Variants in XKR9 observed in about 807,000 individuals in gnomAD.
The protein encoded by XKR9 is XK-related protein 9.
Under a neutral mutation model 32.0 loss-of-function variants are expected in XKR9, and 32 were observed. The ratio of observed to expected loss-of-function variants is 1.00; its 90% CI spans 0.76 to 1.34. XKR9 has a LOEUF of 1.34. Among genes scored for constraint, XKR9 ranks in the 40% most tolerant of loss-of-function variants. The pLI is 0.00. For synonymous variants in XKR9, 168 were observed against 143.4 expected (o/e 1.17, Z -1.22); for missense variants, 546 against 429.7 (o/e 1.27, Z -2.39).
chr8:70,971,896 T>C, the XKR9 span, among the ~76,000 whole-genome samples: 1 of 152,194 alleles, frequency 6.6e-6, no homozygotes, highest in Non-Finnish European at 1.5e-5. Flanking sequence ...GGTACTGTGA[T>C]GCCTCCAGAT....
At chr8:70,994,028 C>G in the XKR9 span, among the ~76,000 whole-genome samples, 1 of 152,072 alleles carries the variant, frequency 6.6e-6, no homozygotes, top group African/African-American at 2.4e-5. Flanking sequence ...AGAGACTGGC[C>G]CTCACCAAAT....
the XKR9 span, among the ~76,000 whole-genome samples, chr8:70,999,139 T>C: frequency 6.6e-6 from 1 of 152,208 alleles, no homozygotes; most frequent in Non-Finnish European, 1.5e-5. Context: ...AAATAAAGAA[T>C]ATTAATATAT....
downstream of XKR9, among the ~76,000 whole-genome samples, chr8:70,793,133 AT>A (rs1807785344): frequency 6.6e-6 from 1 of 152,098 alleles, no homozygotes; most frequent in African/African-American, 2.4e-5. Context: ...ATTCAAATTC[AT>A]TCTTTTGAAT....
the XKR9 span, among the ~76,000 whole-genome samples, chr8:70,882,710 A>G: frequency 5.0e-4 from 76 of 152,174 alleles, no homozygotes; most frequent in African/African-American, 1.6e-3. Context: ...TCCTATTATT[A>G]ACATAGTGCA....
At chr8:70,900,777 A>G in the XKR9 span, among the ~76,000 whole-genome samples, 4 of 152,128 alleles carry the variant, frequency 2.6e-5, no homozygotes, top group Admixed American at 6.5e-5. Context: ...TGACATTTAC[A>G]TTAGGTATAT....
At position 70,776,947 on chromosome 8, in the gene XKR9, C is replaced by CTCTCTCTCTCTATATA; in HGVS notation, n.353-12391_353-12390insCTCTCTCTCTATATAT. Among the ~76,000 whole-genome samples, 490 of 54,174 alleles carry CTCTCTCTCTCTATATA rather than the reference C, an allele frequency of 9.0e-3. 8 individuals carry two copies. Among genetic ancestry groups the CTCTCTCTCTCTATATA allele is most frequent in the East Asian group, 0.038 (93 of 2,442 alleles). The allele number at this position is 54,174 out of a possible 152,430, so 35.5% of individuals were successfully genotyped here. On this transcript the variant is annotated intron_variant and non_coding_transcript_variant, in intron 2 of 3. Transcript: ENST00000520273. ...TTTCTCTCTCTCTCTCTCTCTCTCT[C>CTCTCTCTCTCTATATA]TATATATATATATATATGTATGTAT...
chr8:70,870,734 A>C, the XKR9 span, among the ~76,000 whole-genome samples: 1 of 152,224 alleles, frequency 6.6e-6, no homozygotes, highest in Admixed American at 6.5e-5. Context: ...TTCTAGTTCC[A>C]TGGCAATGAT....
the XKR9 span, among the ~76,000 whole-genome samples, chr8:71,052,778 T>C: frequency 3.9e-5 from 6 of 152,324 alleles, no homozygotes; most frequent in Middle Eastern, 3.4e-3. Flanking sequence ...ATCCCGCAGA[T>C]TGCGCACTGT....
the XKR9 span, among the ~76,000 whole-genome samples, chr8:71,039,076 T>TAAC: frequency 2.0e-5 from 3 of 152,144 alleles, no homozygotes; most frequent in African/African-American, 7.2e-5. Flanking sequence ...AGTGCTGGGA[T>TAAC]AACAGGCATG....
At chr8:70,801,707 C>G in the XKR9 span, among the ~76,000 whole-genome samples, 2 of 152,014 alleles carry the variant, frequency 1.3e-5, no homozygotes, top group African/African-American at 4.8e-5. Flanking sequence ...GTTCAGATCT[C>G]AAATATCTTT....
At chr8:70,935,932 A>T in the XKR9 span, among the ~76,000 whole-genome samples, 1 of 152,058 alleles carries the variant, frequency 6.6e-6, no homozygotes, top group Admixed American at 6.6e-5. Flanking sequence ...ACCAAAGATT[A>T]TGATTTTGGA....
the XKR9 span, among the ~76,000 whole-genome samples, chr8:70,914,451 A>G: frequency 6.2e-3 from 945 of 152,260 alleles, 8 homozygotes; most frequent in African/African-American, 0.018. Context: ...AAGTAGTAAT[A>G]TCTTCTTGTG....
the XKR9 span, among the ~76,000 whole-genome samples, chr8:71,019,594 T>C: frequency 1.3e-5 from 2 of 152,314 alleles, no homozygotes; most frequent in South Asian, 4.1e-4. Context: ...GTCTCAGAGC[T>C]ATTCTTTTAT....
intron 2 of XKR9, among the ~76,000 whole-genome samples, chr8:70,775,880 G>A (rs1219331081): frequency 6.6e-6 from 1 of 151,918 alleles, no homozygotes; most frequent in Non-Finnish European, 1.5e-5. Context: ...GAGTAGCTGG[G>A]ACCACAAGTG....
At chr8:70,700,598 G>T (rs1224720065) in intron 3 of XKR9, among the ~76,000 whole-genome samples, 1 of 152,184 alleles carries the variant, frequency 6.6e-6, no homozygotes, top group Non-Finnish European at 1.5e-5. Context: ...CCCTACTGGG[G>T]GTTGCCTCCC....
chr8:70,865,416 T>C, the XKR9 span, among the ~76,000 whole-genome samples: 912 of 152,220 alleles, frequency 6.0e-3, 11 homozygotes, highest in African/African-American at 0.019. Flanking sequence ...ATGTCAATAA[T>C]GTAAGGCCAG....
the XKR9 span, among the ~76,000 whole-genome samples, chr8:70,965,378 A>G: frequency 4.6e-5 from 7 of 152,146 alleles, no homozygotes. Flanking sequence ...TTTTGCGTTG[A>G]TGTTTATCAG....
chr8:70,696,072 C>T (rs1188053176), intron 3 of XKR9, among the ~76,000 whole-genome samples: 7 of 149,096 alleles, frequency 4.7e-5, no homozygotes, highest in Admixed American at 4.7e-4. Context: ...ATTGTAGATT[C>T]TGGATATTAG....
At chr8:70,802,922 A>G in the XKR9 span, among the ~76,000 whole-genome samples, 1 of 152,182 alleles carries the variant, frequency 6.6e-6, no homozygotes, top group Non-Finnish European at 1.5e-5. Context: ...TCTGATGACA[A>G]TGTGGCTTGG....
Sources: allele counts gnomAD v4.1 joint callset (sites outside exome capture counted in the v4.1 genomes callset), GRCh38; gene constraint gnomAD v4.1.1; transcripts MANE v1.5; gene names NCBI Gene and HGNC (gene_info 2026-07-23, HGNC 2026-07-21).